The following WWOX variants were observed in gnomAD, a reference collection of about 807,000 sequenced individuals.
WWOX encodes WW domain containing oxidoreductase.
In WWOX, 69 loss-of-function variants were observed where a neutral mutation model predicts 46.2. That is an observed-to-expected ratio of 1.49 (90% CI 1.23 to 1.82). The LOEUF (loss-of-function observed/expected upper bound fraction) is 1.82. Ranked by LOEUF, WWOX falls within the 40% of genes most tolerant of loss-of-function variation. The probability of loss-of-function intolerance (pLI) is 0.00; values close to 1 mark genes in which losing one functional copy is unlikely to be tolerated. For synonymous variants in WWOX, 359 were observed against 202.6 expected (o/e 1.77, Z -6.56); for missense variants, 919 against 542.6 (o/e 1.69, Z -6.89).
At position 78,641,149 on chromosome 16, in the gene WWOX, T is replaced by G. The variant is rs191718092; in HGVS notation, c.1056+208397T>G. 7.8e-3 allele frequency among the ~76,000 whole-genome samples: 1,194 copies of G among 152,188 alleles called. 9 individuals are homozygous for G. The highest frequency in any genetic ancestry group is 0.02 in the Admixed American group (303 of 15,286). On this transcript the variant is annotated intron_variant, in intron 8 of 8. Transcript: ENST00000566780. The stretch of plus-strand genomic sequence containing the variant: ...AGGTGCCTCCTCCAAAAAAATTCTC[T>G]TCCTTGGATTTCAAAATGACCCCCG...
At chr16:78,490,668 G>A (rs28444117) in intron 8 of WWOX, among the ~76,000 whole-genome samples, 2,598 of 152,236 alleles carry the variant, frequency 0.017, 71 homozygotes, top group Admixed American at 0.045. Context: ...AAGCACCCAC[G>A]TGAATGTTGA....
At chr16:79,155,628 G>A (rs187322914) in intron 8 of WWOX, among the ~76,000 whole-genome samples, 51 of 151,002 alleles carry the variant, frequency 3.4e-4, no homozygotes, top group Admixed American at 4.6e-4. Context: ...TTTACTCAAT[G>A]ATACAGTGCG....
chr16:78,554,514 C>T (rs183988397), intron 8 of WWOX, among the ~76,000 whole-genome samples: 2 of 152,140 alleles, frequency 1.3e-5, no homozygotes, highest in Non-Finnish European at 1.5e-5. Flanking sequence ...CACATATATG[C>T]ACAGTAATAG....
At chr16:78,810,859 CTCAG>C (rs1392581887) in intron 8 of WWOX, among the ~76,000 whole-genome samples, 1 of 152,168 alleles carries the variant, frequency 6.6e-6, no homozygotes, top group African/African-American at 2.4e-5. Flanking sequence ...AAGACAAGTG[CTCAG>C]TCATTTTGTC....
At chr16:78,902,379 C>G (rs2044851598) in intron 8 of WWOX, among the ~76,000 whole-genome samples, 2 of 152,190 alleles carry the variant, frequency 1.3e-5, no homozygotes, top group South Asian at 4.1e-4. Context: ...GATTAATTAC[C>G]TCAAGGACAA....
intron 8 of WWOX, among the ~76,000 whole-genome samples, chr16:79,092,119 G>C (rs535486294): frequency 2.0e-5 from 3 of 152,232 alleles, no homozygotes; most frequent in South Asian, 4.1e-4. Flanking sequence ...ATTCAGATCA[G>C]TCTTGCTTTC....
intron 8 of WWOX, among the ~76,000 whole-genome samples, chr16:78,587,864 T>G (rs1361848623): frequency 6.6e-6 from 1 of 152,178 alleles, no homozygotes; most frequent in East Asian, 1.9e-4. Flanking sequence ...TCAGGAAACA[T>G]TAAGTTTCCT....
chr16:78,645,126 C>G (rs1342902454), intron 8 of WWOX, among the ~76,000 whole-genome samples: 3 of 152,132 alleles, frequency 2.0e-5, no homozygotes, highest in African/African-American at 7.2e-5. Context: ...TTACAATGGT[C>G]TGCTTGCTGT....
chr16:78,429,116 G>A (rs993040097), intron 7 of WWOX, among the ~76,000 whole-genome samples: 1 of 152,150 alleles, frequency 6.6e-6, no homozygotes, highest in African/African-American at 2.4e-5. Context: ...ACTGTAGTAA[G>A]CAACACTCAA....
intron 6 of WWOX, among the ~76,000 whole-genome samples, chr16:78,413,278 C>G (rs527398560): frequency 5.9e-5 from 9 of 152,182 alleles, no homozygotes; most frequent in Non-Finnish European, 7.4e-5. Context: ...GATTGTCTCA[C>G]GTGTCCATGT....
chr16:78,850,291 C>T (rs1276866990), intron 8 of WWOX, among the ~76,000 whole-genome samples: 1 of 152,076 alleles, frequency 6.6e-6, no homozygotes, highest in Non-Finnish European at 1.5e-5. Context: ...CAGATTTTCC[C>T]CTATGAATGA....
intron 8 of WWOX, among the ~76,000 whole-genome samples, chr16:78,704,196 G>T (rs772800071): frequency 1.3e-5 from 2 of 151,528 alleles, no homozygotes; most frequent in African/African-American, 2.4e-5. Flanking sequence ...ACCTCTCTGA[G>T]CCTCAACATC....
chr16:78,152,746 T>A (rs1430284577), intron 4 of WWOX, among the ~76,000 whole-genome samples: 1 of 152,200 alleles, frequency 6.6e-6, no homozygotes, highest in African/African-American at 2.4e-5. Context: ...CAGTCTTGCC[T>A]CTCGAGAGAT....
intron 8 of WWOX, among the ~76,000 whole-genome samples, chr16:78,980,910 G>A (rs889779885): frequency 6.6e-6 from 1 of 152,138 alleles, no homozygotes; most frequent in East Asian, 1.9e-4. Context: ...TGGTATCTCC[G>A]TTTTTATTGT....
chr16:78,481,635 G>T (rs1464685516), intron 8 of WWOX, among the ~76,000 whole-genome samples: 1 of 123,226 alleles, frequency 8.1e-6, no homozygotes, highest in South Asian at 2.4e-4. Context: ...ATGGAATTGT[G>T]AAAAAAAAAA....
Position 79,141,438 on chromosome 16 carries a change from T to C in WWOX, c.1057-70170T>C, listed in dbSNP as rs767238218. Among the ~76,000 whole-genome samples the C allele has an allele frequency of 4.5e-4, 69 of 152,194 alleles. 1 individual carries two copies. The highest frequency in any genetic ancestry group is 9.0e-4 in the Non-Finnish European group (61 of 68,038). On this transcript the variant is annotated intron_variant, in intron 8 of 8. Coordinates refer to ENST00000566780, the MANE Select transcript of WWOX (RefSeq NM_016373.4). ...TCCTCAACCTTGGCAAAATAAACTTTCTAAATTAGCTGAGACCTGGCTCAG... is the reference window on the plus strand; with the variant it reads ...TCCTCAACCTTGGCAAAATAAACTTCCTAAATTAGCTGAGACCTGGCTCAG...
chr16:78,405,927 C>G (rs2082519567), intron 6 of WWOX, among the ~76,000 whole-genome samples: 1 of 152,110 alleles, frequency 6.6e-6, no homozygotes, highest in African/African-American at 2.4e-5. Context: ...TCACATACCT[C>G]TCTGACATGC....
Position 78,529,296 on chromosome 16 carries a change from G to T in WWOX, c.1056+96544G>T, listed in dbSNP as rs77939654. 2.9e-3 allele frequency among the ~76,000 whole-genome samples: 438 copies of T among 152,212 alleles called. 2 individuals are homozygous for T. The highest frequency in any genetic ancestry group is 0.01 in the African/African-American group (421 of 41,528). ...ATAGATTTTAATTAAAAACAGTCCT[G>T]TTGAGTGGCCTCTTTATCAAATGCA... On this transcript the variant is annotated intron_variant, in intron 8 of 8. Transcript: ENST00000566780.
At chr16:78,478,201 A>G (rs2084398590) in intron 8 of WWOX, among the ~76,000 whole-genome samples, 1 of 152,378 alleles carries the variant, frequency 6.6e-6, no homozygotes, top group East Asian at 1.9e-4. Flanking sequence ...AATGATAAAT[A>G]CAAGTAGTAG....
Sources: gnomAD v4.1 joint callset for allele counts (sites outside exome capture counted in the v4.1 genomes callset) on GRCh38, gnomAD v4.1.1 for gene constraint, MANE v1.5 for transcripts, NCBI Gene and HGNC (gene_info 2026-07-23, HGNC 2026-07-21) for gene names.